OSBPL1A: variants seen among roughly 807,000 people sequenced by gnomAD.
OSBPL1A encodes oxysterol-binding protein-related protein 1.
Under a neutral mutation model 137.1 loss-of-function variants are expected in OSBPL1A, and 80 were observed. The ratio of observed to expected loss-of-function variants is 0.58; its 90% CI spans 0.49 to 0.70. OSBPL1A has a LOEUF of 0.70. Ranked by LOEUF, OSBPL1A falls within the 30% of genes least tolerant of loss-of-function variation. OSBPL1A has a pLI of 0.00. For missense variants in OSBPL1A, 970 were observed against 1,129.4 expected (o/e 0.86, Z 2.02); for synonymous variants, 365 against 389.7 (o/e 0.94, Z 0.75).
intron 15 of OSBPL1A, among the ~76,000 whole-genome samples, chr18:24,251,063 G>C (rs913071425): frequency 1.3e-5 from 2 of 152,140 alleles, no homozygotes; most frequent in African/African-American, 2.4e-5. Flanking sequence ...ACTTTATATT[G>C]GGGTTTGAGT....
Position 24,312,558 on chromosome 18 carries a change from C to G in OSBPL1A, c.970-452G>C, listed in dbSNP as rs1280567072. Among the ~76,000 whole-genome samples, 5 of 152,316 alleles carry G rather than the reference C, an allele frequency of 3.3e-5. No homozygotes were observed. In the East Asian group the frequency reaches 9.6e-4, roughly 29 times the overall value. On this transcript the variant is annotated intron_variant, in intron 12 of 27. Coordinates refer to ENST00000319481, the MANE Select transcript of OSBPL1A (RefSeq NM_080597.4). ...TAAGGTCATATTAAAACAGCCAATA[C>G]TTGCCCTGATGCATTAACTTTTACT...
At chr18:24,256,140 C>T (rs2089267368) in intron 15 of OSBPL1A, among the ~76,000 whole-genome samples, 1 of 152,138 alleles carries the variant, frequency 6.6e-6, no homozygotes, top group Non-Finnish European at 1.5e-5. Flanking sequence ...TTTGAATCCA[C>T]ATGTTGATAT....
intron 17 of OSBPL1A, among the ~76,000 whole-genome samples, chr18:24,203,102 C>A (rs903687942): frequency 6.6e-6 from 1 of 152,172 alleles, no homozygotes; most frequent in Non-Finnish European, 1.5e-5. Flanking sequence ...TTCAGCCATC[C>A]GAGTAGCTGG....
At chr18:24,196,718 ATAAAAAG>A (rs756536804) in intron 17 of OSBPL1A, among the ~76,000 whole-genome samples, 20 of 152,276 alleles carry the variant, frequency 1.3e-4, no homozygotes, top group Non-Finnish European at 2.5e-4. Flanking sequence ...GTAAAAATAA[ATAAAAAG>A]TAAAAAGTAT....
intron 7 of OSBPL1A, among the ~76,000 whole-genome samples, chr18:24,328,307 GC>G (rs753606798): frequency 3.1e-5 from 4 of 129,886 alleles, no homozygotes; most frequent in Non-Finnish European, 6.3e-5. Flanking sequence ...TGATCCGCCC[GC>G]CTCAGCCTCC....
At chr18:24,297,626 T>C (rs1461946195) in intron 14 of OSBPL1A, among the ~76,000 whole-genome samples, 3 of 152,222 alleles carry the variant, frequency 2.0e-5, no homozygotes, top group African/African-American at 4.8e-5. Flanking sequence ...AAGTTTTTAA[T>C]TTCCATCTTG....
At chr18:24,330,447 G>A (rs1353643041) in intron 7 of OSBPL1A, among the ~76,000 whole-genome samples, 1 of 151,856 alleles carries the variant, frequency 6.6e-6, no homozygotes, top group East Asian at 1.9e-4. Context: ...AGACAATAAT[G>A]GTAATGAAGG....
At chr18:24,376,968 C>T (rs987501776) in intron 2 of OSBPL1A, among the ~76,000 whole-genome samples, 1 of 152,238 alleles carries the variant, frequency 6.6e-6, no homozygotes, top group Non-Finnish European at 1.5e-5. Context: ...AGCGCCTCTC[C>T]TTCCACACCT....
intron 14 of OSBPL1A, among the ~76,000 whole-genome samples, chr18:24,302,044 C>T (rs1029644409): frequency 7.9e-5 from 12 of 151,956 alleles, no homozygotes; most frequent in African/African-American, 2.2e-4. Context: ...CTGGCTAACA[C>T]GGTGAAACCC....
Position 24,281,892 on chromosome 18 carries a change from T to A in OSBPL1A, c.1175-944A>T, listed in dbSNP as rs150782969. On this transcript the variant is annotated intron_variant, in intron 14 of 27. Transcript: ENST00000319481. Reference sequence around the variant, plus strand: ...CAGCAAGAGGTGAGTGGAGGGTGAGTGAGCATTACCACCTGAGCTCTGCCT... The same window carrying A: ...CAGCAAGAGGTGAGTGGAGGGTGAGAGAGCATTACCACCTGAGCTCTGCCT... 2.4e-3 allele frequency among the ~76,000 whole-genome samples: 364 copies of A among 151,962 alleles called. 2 individuals carry two copies. Among genetic ancestry groups the A allele is most frequent in the African/African-American group, 8.6e-3 (357 of 41,436 alleles).
At chr18:24,388,522 C>T (rs926887730) in intron 1 of OSBPL1A, among the ~76,000 whole-genome samples, 19 of 151,628 alleles carry the variant, frequency 1.3e-4, no homozygotes, top group African/African-American at 4.6e-4. Context: ...ACTGCCAGAC[C>T]CAGTGGCTCA....
intron 13 of OSBPL1A, among the ~76,000 whole-genome samples, chr18:24,305,465 ACT>A (rs2090481011): frequency 6.6e-6 from 1 of 152,208 alleles, no homozygotes; most frequent in South Asian, 2.1e-4. Flanking sequence ...GTGCTTTTTA[ACT>A]GATACTAAAA....
At chr18:24,219,498 A>G (rs191338598) in intron 17 of OSBPL1A, among the ~76,000 whole-genome samples, 3 of 152,248 alleles carry the variant, frequency 2.0e-5, no homozygotes, top group South Asian at 2.1e-4. Context: ...CTCTTCGTAC[A>G]TAAGTTTCTT....
chr18:24,204,387 T>A (rs2087309513), intron 17 of OSBPL1A, among the ~76,000 whole-genome samples: 1 of 152,200 alleles, frequency 6.6e-6, no homozygotes, highest in Non-Finnish European at 1.5e-5. Context: ...TTTTGTTATT[T>A]AGTAAGAATT....
intron 4 of OSBPL1A, among the ~76,000 whole-genome samples, chr18:24,345,353 C>T (rs1194068550): frequency 6.6e-6 from 1 of 152,040 alleles, no homozygotes; most frequent in East Asian, 1.9e-4. Flanking sequence ...ACTGGGAGAG[C>T]CAGACTCAGA....
rs184342149 is a variant in OSBPL1A, at chr18:24,395,696, C to T, written c.-3+1959G>A. Among the ~76,000 whole-genome samples, 893 of 151,860 alleles carry T rather than the reference C, an allele frequency of 5.9e-3. 13 individuals are homozygous for T. Among genetic ancestry groups the T allele is most frequent in the African/African-American group, 0.021 (859 of 41,438 alleles). Reference sequence around the variant, plus strand: ...AGTGCAACAGCACGATCTCCATTCACTTACCATCTCCGCCTCCTGGGTTCA... The same window carrying T: ...AGTGCAACAGCACGATCTCCATTCATTTACCATCTCCGCCTCCTGGGTTCA... On this transcript the variant is annotated intron_variant, in intron 1 of 27. Transcript: ENST00000319481.
chr18:24,298,843 T>C (rs2090345542), intron 14 of OSBPL1A, among the ~76,000 whole-genome samples: 1 of 152,244 alleles, frequency 6.6e-6, no homozygotes, highest in African/African-American at 2.4e-5. Flanking sequence ...AAGTTCGCAC[T>C]ATTACCATGT....
At chr18:24,290,148 C>T (rs1296278630) in intron 14 of OSBPL1A, among the ~76,000 whole-genome samples, 2 of 152,062 alleles carry the variant, frequency 1.3e-5, no homozygotes, top group Non-Finnish European at 2.9e-5. Flanking sequence ...GCATGGGACA[C>T]TGGTGGTACC....
chr18:24,170,181 G>T, intron 24 of OSBPL1A, 146 bp downstream of exon 24: 1 of 952,358 alleles, frequency 1.1e-6, no homozygotes, highest in Non-Finnish European at 1.6e-6. Flanking sequence ...GCAAATGTCT[G>T]ATCATTAAAA....
Sources: allele counts gnomAD v4.1 joint callset (sites outside exome capture counted in the v4.1 genomes callset), GRCh38; gene constraint gnomAD v4.1.1; transcripts MANE v1.5; gene names NCBI Gene and HGNC (gene_info 2026-07-23, HGNC 2026-07-21).